The following KLRF2 variants were observed in gnomAD, a reference collection of about 807,000 sequenced individuals.
KLRF2 encodes the protein killer cell lectin like receptor F2.
In KLRF2, 28 loss-of-function variants were observed where a neutral mutation model predicts 25.3. That is an observed-to-expected ratio of 1.11 (90% CI 0.82 to 1.52). The LOEUF (loss-of-function observed/expected upper bound fraction) is 1.52, where lower values mean the gene tolerates loss of function less well. KLRF2 is among the 40% of genes most tolerant of loss of function. The pLI, the probability that KLRF2 is intolerant of heterozygous loss-of-function variation, is 0.00. For synonymous variants in KLRF2, 73 were observed against 85.0 expected (o/e 0.86, Z 0.78); for missense variants, 265 against 245.8 (o/e 1.08, Z -0.52).
rs1272965873 is a variant in KLRF2 at position 9,888,736 on chromosome 12, A to C, written c.173A>C (p.Lys58Thr). ...CTTTTCTTTGCACTGAGTACAGATAAAAAAATGGATTTCTCCCAGAATGTA... is the reference window on the plus strand; with the variant it reads ...CTTTTCTTTGCACTGAGTACAGATACAAAAATGGATTTCTCCCAGAATGTA... ...MTGIDLKFWH[K>T]KMDFSQNVNV... Residue 58 changes from lysine to threonine, a missense_variant, in exon 3 of 6, where the codon AAA (lysine) becomes ACA (threonine). Physicochemically the swap from Lys to Thr is moderately conservative, Grantham distance 78 (BLOSUM62 -1). Transcript: ENST00000535540. 6.7e-7 allele frequency: 1 copy of C among 1,493,156 alleles called. No homozygotes were observed. The highest frequency in any genetic ancestry group is 9.0e-7 in the Non-Finnish European group (1 of 1,108,060). 92.5% of individuals were successfully genotyped at this position (1,493,156 alleles called of 1,614,324 possible).
chr12:9,884,942 C>T lies in KLRF2; in HGVS notation c.79C>T (p.Leu27=). The T allele has an allele frequency of 8.5e-7, 1 of 1,182,634 alleles. No homozygotes were observed. Among genetic ancestry groups the T allele is most frequent in the Non-Finnish European group, 1.1e-6 (1 of 900,332 alleles). 73.3% of individuals were successfully genotyped at this position (1,182,634 alleles called of 1,614,324 possible). ...AAAATTCAACATTTCAGATTTCTCC[C>T]TATATCCACAATATTATTGTCTTCT... is the stretch of plus-strand genomic sequence containing the variant. ...KSKQKSKDFS[L]YPQYYCLLLI... The change falls in exon 2 of 6, where the codon CTA becomes TTA. Residue 27 remains leucine, a synonymous_variant. Transcript: ENST00000535540.
At chr12:9,889,777 G>A (rs1862652128) in intron 3 of KLRF2, among the ~76,000 whole-genome samples, 1 of 151,988 alleles carries the variant, frequency 6.6e-6, no homozygotes, top group African/African-American at 2.4e-5. Flanking sequence ...GTATAGTGCA[G>A]TGGATAAGAA....
chr12:9,890,530 A>T (rs927405587), intron 3 of KLRF2, among the ~76,000 whole-genome samples: 2 of 152,144 alleles, frequency 1.3e-5, no homozygotes, highest in African/African-American at 4.8e-5. Flanking sequence ...GCATGCATTT[A>T]CCACGTGTCA....
intron 1 of KLRF2, among the ~76,000 whole-genome samples, chr12:9,883,468 A>G (rs75863656): frequency 0.015 from 2,328 of 152,326 alleles, 59 homozygotes; most frequent in African/African-American, 0.053. Context: ...CATGGCTTAC[A>G]TGAAAATATT....
chr12:9,881,586 A>G lies in KLRF2; in HGVS notation c.-10A>G. 6.6e-7 allele frequency: 1 copy of G among 1,521,228 alleles called. No homozygotes were observed. The highest frequency in any genetic ancestry group is 8.8e-7 in the Non-Finnish European group (1 of 1,133,592). The allele number at this position is 1,521,228 out of a possible 1,614,324, so 94.2% of individuals were successfully genotyped here. A position where few individuals can be genotyped will look rare whatever the true frequency, so the allele number is the denominator to read the frequency against. On this transcript the variant is annotated 5_prime_UTR_variant, in exon 1 of 6. Transcript: ENST00000535540. ...TTTTCTGGATAATAAGACATTAGAC[A>G]TTTGAAGAGATGGAGAATGAAGATG...
intron 3 of KLRF2, among the ~76,000 whole-genome samples, chr12:9,892,258 A>G (rs186324876): frequency 1.3e-5 from 2 of 152,344 alleles, no homozygotes; most frequent in East Asian, 3.9e-4. Context: ...ATTCAAGACT[A>G]AGGGAACAGT....
At chr12:9,884,081 A>G (rs1245005919) in intron 1 of KLRF2, among the ~76,000 whole-genome samples, 2 of 152,192 alleles carry the variant, frequency 1.3e-5, no homozygotes, top group Non-Finnish European at 2.9e-5. Flanking sequence ...ATGTCTGCAT[A>G]TAAAAGGAAC....
In KLRF2 at chr12:9,881,546, A is replaced by G. The variant is rs976406707; in HGVS notation, c.-50A>G. 1 of 1,330,180 alleles carries G rather than the reference A, an allele frequency of 7.5e-7. No individual in the cohort carries two copies. Among genetic ancestry groups the G allele is most frequent in the Non-Finnish European group, 1.0e-6 (1 of 962,246 alleles). The allele number at this position is 1,330,180 out of a possible 1,614,324, so 82.4% of individuals were successfully genotyped here. On this transcript the variant is annotated 5_prime_UTR_variant, in exon 1 of 6. Coordinates refer to ENST00000535540, the MANE Select transcript of KLRF2 (RefSeq NM_001190765.1). ...ATATCCAAGGTTGAGATTAGTTTCCATTTTCTTTGTACTATTTTCTGGATA... is the reference window on the plus strand; with the variant it reads ...ATATCCAAGGTTGAGATTAGTTTCCGTTTTCTTTGTACTATTTTCTGGATA...
At chr12:9,887,031 A>G (rs557001912) in intron 2 of KLRF2, among the ~76,000 whole-genome samples, 3 of 152,298 alleles carry the variant, frequency 2.0e-5, no homozygotes, top group African/African-American at 4.8e-5. Flanking sequence ...ACATAAATAA[A>G]TATAAGAGGA....
intron 1 of KLRF2, among the ~76,000 whole-genome samples, chr12:9,882,259 C>T (rs970497888): frequency 7.2e-5 from 11 of 151,944 alleles, no homozygotes; most frequent in Admixed American, 1.3e-4. Context: ...AATTACCAGT[C>T]GCAGTGGCAG....
chr12:9,894,242 C>T (rs1036446688), intron 5 of KLRF2, among the ~76,000 whole-genome samples: 7 of 150,344 alleles, frequency 4.7e-5, no homozygotes, highest in Non-Finnish European at 8.9e-5. Flanking sequence ...AGTGCAGTGG[C>T]ATGATCGTGG....
At chr12:9,891,185 A>G (rs1338560085) in intron 3 of KLRF2, among the ~76,000 whole-genome samples, 2 of 152,150 alleles carry the variant, frequency 1.3e-5, no homozygotes, top group African/African-American at 4.8e-5. Context: ...AAGTGTATAT[A>G]AGGTGCTTAG....
chr12:9,884,597 ATATT>A (rs1201419460), intron 1 of KLRF2, among the ~76,000 whole-genome samples: 3 of 148,614 alleles, frequency 2.0e-5, no homozygotes, highest in Non-Finnish European at 4.5e-5. Context: ...TACATTGTAT[ATATT>A]TATATTTTAT....
At chr12:9,885,485 C>A (rs1363934534) in intron 2 of KLRF2, among the ~76,000 whole-genome samples, 1 of 151,702 alleles carries the variant, frequency 6.6e-6, no homozygotes, top group Non-Finnish European at 1.5e-5. Context: ...TTCTGTCTTG[C>A]TTTTAAGGCT....
chr12:9,883,543 C>T (rs1868117251), intron 1 of KLRF2, among the ~76,000 whole-genome samples: 1 of 152,148 alleles, frequency 6.6e-6, no homozygotes, highest in Non-Finnish European at 1.5e-5. Context: ...AGTCTCCCTC[C>T]CTGGCATGTA....
intron 3 of KLRF2, among the ~76,000 whole-genome samples, chr12:9,889,904 G>A: frequency 6.6e-6 from 1 of 151,782 alleles, no homozygotes; most frequent in East Asian, 1.9e-4. Context: ...TCTGTAAATT[G>A]GGGGTGATAA....
chr12:9,888,834 G>C (rs2136999654), intron 3 of KLRF2, 54 bp downstream of exon 3: 2 of 1,100,174 alleles, frequency 1.8e-6, no homozygotes, highest in East Asian at 2.6e-5. Flanking sequence ...TTTAGTTTTG[G>C]CTTCCCTCTT....
chr12:9,892,941 AG>A (rs772680015), intron 3 of KLRF2, 78 bp from the exon 4 acceptor site: 57 of 1,194,530 alleles, frequency 4.8e-5, no homozygotes, highest in Non-Finnish European at 6.1e-5. Flanking sequence ...CTATTTTCCA[AG>A]TAGTCACATT....
At chr12:9,892,765 G>A (rs1307482888) in intron 3 of KLRF2, among the ~76,000 whole-genome samples, 1 of 151,440 alleles carries the variant, frequency 6.6e-6, no homozygotes, top group Non-Finnish European at 1.5e-5. Context: ...TGTATTTTTA[G>A]TAGAGACAGG....
Sources: gnomAD v4.1 joint callset for allele counts (sites outside exome capture counted in the v4.1 genomes callset) on GRCh38, gnomAD v4.1.1 for gene constraint, MANE v1.5 for transcripts, NCBI Gene and HGNC (gene_info 2026-07-23, HGNC 2026-07-21) for gene names.